ZCCHC7: variants seen among roughly 807,000 people sequenced by gnomAD.
ZCCHC7 encodes zinc finger CCHC domain-containing protein 7.
ZCCHC7 carries 35 observed loss-of-function variants against 52.0 expected under a neutral mutation model. That is an observed-to-expected ratio of 0.67 (90% CI 0.51 to 0.89). The LOEUF is 0.89. ZCCHC7 is among the 40% of genes least tolerant of loss of function. The pLI, the probability that ZCCHC7 is intolerant of heterozygous loss-of-function variation, is 0.00. For missense variants in ZCCHC7, 574 were observed against 649.1 expected, an observed-to-expected ratio of 0.88 and a Z score of 1.26; for synonymous variants, 217 against 221.5, an observed-to-expected ratio of 0.98 and a Z score of 0.18.
intron 2 of ZCCHC7, among the ~76,000 whole-genome samples, chr9:37,218,103 AATT>A (rs1824607303): frequency 6.6e-6 from 1 of 152,196 alleles, no homozygotes; most frequent in Non-Finnish European, 1.5e-5. Flanking sequence ...AGGGCCATTA[AATT>A]CCTAATTATG....
intron 2 of ZCCHC7, among the ~76,000 whole-genome samples, chr9:37,169,403 A>AG (rs1201200692): frequency 5.9e-5 from 9 of 152,182 alleles, no homozygotes; most frequent in African/African-American, 2.2e-4. Flanking sequence ...TACCCGCTAG[A>AG]GGTGAGATGT....
intron 2 of ZCCHC7, among the ~76,000 whole-genome samples, chr9:37,129,927 G>A (rs1176812834): frequency 1.3e-5 from 2 of 152,170 alleles, no homozygotes; most frequent in Non-Finnish European, 2.9e-5. Context: ...TAGTACTCGT[G>A]ACTTACAGTG....
chr9:37,241,283 A>G (rs1825863126), intron 2 of ZCCHC7, among the ~76,000 whole-genome samples: 2 of 151,812 alleles, frequency 1.3e-5, no homozygotes, highest in Non-Finnish European at 3.0e-5. Context: ...GTATAACAAA[A>G]TGTTATAAAT....
intron 8 of ZCCHC7, 46 bp from the exon 9 acceptor site, chr9:37,356,789 G>A (rs1821727102): frequency 6.6e-7 from 1 of 1,511,244 alleles, no homozygotes; most frequent in South Asian, 1.3e-5. Flanking sequence ...GCTCAGCATG[G>A]ACTGTTTAGC....
At chr9:37,238,216 A>T (rs575060478) in intron 2 of ZCCHC7, among the ~76,000 whole-genome samples, 1 of 152,274 alleles carries the variant, frequency 6.6e-6, no homozygotes, top group Non-Finnish European at 1.5e-5. Context: ...GGTTAACCAG[A>T]TTTATTAGTG....
intron 2 of ZCCHC7, among the ~76,000 whole-genome samples, chr9:37,137,467 G>C (rs900346194): frequency 2.6e-5 from 4 of 152,154 alleles, no homozygotes; most frequent in Admixed American, 6.5e-5. Context: ...TGTTTTAATA[G>C]TATATCTTTT....
intron 2 of ZCCHC7, among the ~76,000 whole-genome samples, chr9:37,160,967 T>A (rs996351883): frequency 1.3e-5 from 2 of 151,510 alleles, no homozygotes; most frequent in Non-Finnish European, 2.9e-5. Flanking sequence ...TTTTTTTTTT[T>A]AGATGGAGTC....
chr9:37,211,040 T>A (rs1824187122), intron 2 of ZCCHC7, among the ~76,000 whole-genome samples: 1 of 152,210 alleles, frequency 6.6e-6, no homozygotes, highest in South Asian at 2.1e-4. Context: ...ATGTCTCCAG[T>A]TGATCATTCA....
At chr9:37,285,441 T>C (rs2133591449) in intron 2 of ZCCHC7, among the ~76,000 whole-genome samples, 1 of 152,322 alleles carries the variant, frequency 6.6e-6, no homozygotes, top group African/African-American at 2.4e-5. Flanking sequence ...TTCTTGTCTT[T>C]TGTTCTATTC....
intron 2 of ZCCHC7, among the ~76,000 whole-genome samples, chr9:37,189,977 C>G (rs1356524077): frequency 6.6e-6 from 1 of 152,138 alleles, no homozygotes; most frequent in Non-Finnish European, 1.5e-5. Context: ...CTATGCTTCT[C>G]CTTCTTCATA....
intron 2 of ZCCHC7, among the ~76,000 whole-genome samples, chr9:37,195,268 C>T (rs1388275092): frequency 2.6e-5 from 4 of 152,104 alleles, no homozygotes; most frequent in African/African-American, 9.7e-5. Context: ...TTTTTTGTAA[C>T]AGCAGATCCC....
chr9:37,223,111 G>A (rs1824912517), intron 2 of ZCCHC7, among the ~76,000 whole-genome samples: 1 of 152,050 alleles, frequency 6.6e-6, no homozygotes, highest in Admixed American at 6.6e-5. Flanking sequence ...GGCTACTGTG[G>A]GCACACTGCC....
intron 2 of ZCCHC7, among the ~76,000 whole-genome samples, chr9:37,132,798 G>A (rs1489125085): frequency 6.6e-6 from 1 of 152,092 alleles, no homozygotes; most frequent in East Asian, 1.9e-4. Context: ...GAATTGTCTT[G>A]GGCCACACAT....
chr9:37,313,673 T>C (rs1214337815), intron 5 of ZCCHC7, among the ~76,000 whole-genome samples: 1 of 152,142 alleles, frequency 6.6e-6, no homozygotes, highest in East Asian at 1.9e-4. Flanking sequence ...GTTCTTGCAA[T>C]AGTAAGTTCT....
At chr9:37,241,462 A>C (rs1479440965) in intron 2 of ZCCHC7, among the ~76,000 whole-genome samples, 1 of 151,822 alleles carries the variant, frequency 6.6e-6, no homozygotes, top group Admixed American at 6.6e-5. Flanking sequence ...ATTTCAGCTA[A>C]AACATACTCA....
At chr9:37,268,592 A>G (rs760939878) in intron 2 of ZCCHC7, among the ~76,000 whole-genome samples, 1 of 151,952 alleles carries the variant, frequency 6.6e-6, no homozygotes, top group Non-Finnish European at 1.5e-5. Flanking sequence ...ATGCCCAGCT[A>G]ATTTTTTGTA....
At chr9:37,312,086 T>C (rs1382616972) in intron 5 of ZCCHC7, among the ~76,000 whole-genome samples, 2 of 152,218 alleles carry the variant, frequency 1.3e-5, no homozygotes, top group East Asian at 3.8e-4. Flanking sequence ...ATTCATATGA[T>C]TTCCTCCCCT....
intron 2 of ZCCHC7, among the ~76,000 whole-genome samples, chr9:37,300,750 A>G (rs1377894012): frequency 1.3e-5 from 2 of 152,206 alleles, no homozygotes; most frequent in Non-Finnish European, 2.9e-5. Flanking sequence ...TCTTAGCTTT[A>G]AAGGGAGAAA....
chr9:37,298,687 T>C (rs1828897703), intron 2 of ZCCHC7, among the ~76,000 whole-genome samples: 1 of 152,230 alleles, frequency 6.6e-6, no homozygotes, highest in African/African-American at 2.4e-5. Flanking sequence ...CTACATTTGA[T>C]TTTTATAGTG....
Sources: allele counts gnomAD v4.1 joint callset (sites outside exome capture counted in the v4.1 genomes callset), GRCh38; gene constraint gnomAD v4.1.1; transcripts MANE v1.5; gene names NCBI Gene and HGNC (gene_info 2026-07-23, HGNC 2026-07-21).